The following SDAD1 variants were observed in gnomAD, a reference collection of about 807,000 sequenced individuals.
The protein encoded by SDAD1 is protein SDA1 homolog.
A neutral mutation model predicts 100.3 loss-of-function variants in SDAD1; 79 were observed. The observed-to-expected ratio is 0.79, with a 90% CI of 0.66 to 0.95. The LOEUF (loss-of-function observed/expected upper bound fraction) is 0.95, where lower values mean the gene tolerates loss of function less well. Ranked by LOEUF, SDAD1 falls within the 40% of genes least tolerant of loss-of-function variation. SDAD1 has a pLI of 0.00. For missense variants in SDAD1, 790 were observed against 810.9 expected (o/e 0.97, Z 0.31); for synonymous variants, 267 against 271.4 (o/e 0.98, Z 0.16).
chr4:75,990,643 A>C, intron 1 of SDAD1, 109 bp downstream of exon 1: 1 of 1,600,642 alleles, frequency 6.2e-7, no homozygotes, highest in Non-Finnish European at 8.5e-7. Flanking sequence ...TGAACCTAAC[A>C]GAAGAATAGG....
rs36025367 is a variant in SDAD1 at position 75,974,402 on chromosome 4, C to CA, written c.579-270dup. The stretch of plus-strand genomic sequence containing the variant: ...AATGACGTAGGAAGCTAGTCAAGTG[C>CA]AAAAAAAAAAAAAAAAAACAACAAC... On this transcript the variant is annotated intron_variant, in intron 6 of 21. Coordinates refer to ENST00000356260, the MANE Select transcript of SDAD1 (RefSeq NM_018115.4). Among the ~76,000 whole-genome samples the CA allele has an allele frequency of 7.3e-3, 809 of 110,754 alleles. 8 individuals are homozygous for CA. The highest frequency in any genetic ancestry group is 0.042 in the South Asian group (139 of 3,304). The allele number at this position is 110,754 out of a possible 152,430, so 72.7% of individuals were successfully genotyped here. A position where few individuals can be genotyped will look rare whatever the true frequency, so the allele number is the denominator to read the frequency against.
At position 75,958,023 on chromosome 4, in the gene SDAD1, A is replaced by G. The variant is rs2149309633; in HGVS notation, c.1484-82T>C. On this transcript the variant is annotated intron_variant, in intron 17 of 21. Transcript: ENST00000356260. ...GTTGAGATGAAGCAAGCAACAGAAA[A>G]GTAATGAACCTTGAACAGATACATT... The G allele has an allele frequency of 5.4e-6, 6 of 1,101,616 alleles. No individual in the cohort carries two copies. In the Admixed American group the frequency reaches 1.0e-4, roughly 19 times the overall value. 68.2% of individuals were successfully genotyped at this position (1,101,616 alleles called of 1,614,324 possible).
chr4:75,977,872 T>G (rs1169531452), intron 3 of SDAD1, 116 bp from the exon 4 acceptor site: 1 of 637,588 alleles, frequency 1.6e-6, no homozygotes, highest in Non-Finnish European at 2.7e-6. Flanking sequence ...TATTGTAGGA[T>G]TCAGAATAGT....
intron 17 of SDAD1, among the ~76,000 whole-genome samples, chr4:75,958,417 T>G (rs988050926): frequency 6.6e-6 from 1 of 152,202 alleles, no homozygotes; most frequent in African/African-American, 2.4e-5. Context: ...AGTTAGTCAT[T>G]CAGACAACTG....
At chr4:75,981,684 C>G in intron 2 of SDAD1, 2 of 850,172 alleles carry the variant, frequency 2.4e-6, no homozygotes, top group South Asian at 3.4e-5. Flanking sequence ...TGATTTAGTA[C>G]CTGCTTTTAT....
In SDAD1 at chr4:75,978,688, G is replaced by A. The variant is rs1346867796; in HGVS notation, c.295-932C>T. Among the ~76,000 whole-genome samples the A allele has an allele frequency of 2.6e-5, 4 of 152,144 alleles. No homozygotes were observed. The East Asian group carries it at 7.7e-4, about 29-fold the overall frequency. On this transcript the variant is annotated intron_variant, in intron 3 of 21. Coordinates refer to ENST00000356260, the MANE Select transcript of SDAD1 (RefSeq NM_018115.4). ...AATTCAAGGATGCTTTCAAAAACAA[G>A]GGCAAGGCTGGGCATGGTGGCCCAC...
intron 11 of SDAD1, among the ~76,000 whole-genome samples, chr4:75,967,574 G>A (rs191993706): frequency 7.2e-4 from 109 of 152,206 alleles, no homozygotes; most frequent in Non-Finnish European, 1.2e-3. Flanking sequence ...TATGCAGAAT[G>A]AACTAGAGGA....
At chr4:75,960,645 T>C (rs903772308) in intron 16 of SDAD1, among the ~76,000 whole-genome samples, 1 of 152,180 alleles carries the variant, frequency 6.6e-6, no homozygotes, top group Non-Finnish European at 1.5e-5. Context: ...AAAAACGTCA[T>C]CTCTCTTTCT....
At chr4:75,955,739 A>G (rs1330872322) in intron 21 of SDAD1, among the ~76,000 whole-genome samples, 1 of 152,212 alleles carries the variant, frequency 6.6e-6, no homozygotes, top group African/African-American at 2.4e-5. Context: ...CTGGTCCCAC[A>G]GCTGAGTCTC....
At chr4:75,959,220 T>C (rs1399797427) in intron 17 of SDAD1, among the ~76,000 whole-genome samples, 1 of 151,538 alleles carries the variant, frequency 6.6e-6, no homozygotes, top group East Asian at 1.9e-4. Context: ...CACTTCATTC[T>C]TCAGCCCTTT....
chr4:75,956,358 G>T (rs916200789), intron 20 of SDAD1, among the ~76,000 whole-genome samples: 3 of 151,778 alleles, frequency 2.0e-5, no homozygotes, highest in African/African-American at 7.3e-5. Context: ...AGCCTGGTGA[G>T]GTCAGGGGAA....
chr4:75,964,145 T>C lies in SDAD1; in HGVS notation c.1171A>G (p.Met391Val). The C allele has an allele frequency of 6.2e-7, 1 of 1,608,684 alleles. No individual in the cohort carries two copies. The highest frequency in any genetic ancestry group is 8.5e-7 in the Non-Finnish European group (1 of 1,176,470). The change falls in exon 14 of 22, where the codon ATG becomes GTG. Residue 391 changes from methionine to valine, a missense_variant. Coordinates refer to ENST00000356260, the MANE Select transcript of SDAD1 (RefSeq NM_018115.4). ...CCAGATTCTACATACCCTACTGTCA[T>C]GACTTCTCCAGAGTTCTTGTCGGTA... ...FVTDKNSGEVMTVGINAIKEI... is the reference protein window; with the variant it reads ...FVTDKNSGEVVTVGINAIKEI...
At chr4:75,984,644 G>T (rs1730759041) in intron 1 of SDAD1, among the ~76,000 whole-genome samples, 1 of 152,018 alleles carries the variant, frequency 6.6e-6, no homozygotes, top group Admixed American at 6.6e-5. Context: ...ATGTTTAGTT[G>T]TAACAGCCAC....
intron 10 of SDAD1, among the ~76,000 whole-genome samples, chr4:75,969,681 C>T (rs1481937086): frequency 6.6e-6 from 1 of 152,144 alleles, no homozygotes; most frequent in Non-Finnish European, 1.5e-5. Flanking sequence ...GCTGCTGGTC[C>T]ACCGGGGAGG....
chr4:75,988,433 T>A (rs964604119), intron 1 of SDAD1, among the ~76,000 whole-genome samples: 3 of 152,192 alleles, frequency 2.0e-5, no homozygotes, highest in African/African-American at 7.2e-5. Flanking sequence ...CTCTCCCTCA[T>A]GTCCTTCAGG....
At chr4:75,976,060 G>T in intron 4 of SDAD1, 65 bp from the exon 5 acceptor site, 1 of 1,026,568 alleles carries the variant, frequency 9.7e-7, no homozygotes, top group Non-Finnish European at 1.5e-6. Flanking sequence ...TGCTAAATTT[G>T]GAGAACAGTA....
chr4:75,951,051 A>G (rs1365395296), intron 21 of SDAD1, among the ~76,000 whole-genome samples: 1 of 152,192 alleles, frequency 6.6e-6, no homozygotes, highest in Non-Finnish European at 1.5e-5. Context: ...GCAGCTATGG[A>G]ATGCAGAGAC....
chr4:75,979,433 C>T (rs186659850), intron 3 of SDAD1, among the ~76,000 whole-genome samples: 9 of 152,020 alleles, frequency 5.9e-5, no homozygotes, highest in East Asian at 1.9e-4. Context: ...ACTATACAGA[C>T]GCAATCCTTT....
At chr4:75,982,786 C>A (rs1179607835) in intron 1 of SDAD1, among the ~76,000 whole-genome samples, 1 of 151,864 alleles carries the variant, frequency 6.6e-6, no homozygotes, top group Non-Finnish European at 1.5e-5. Context: ...TCCCACCCCC[C>A]CACTGCCACC....
Sources: gnomAD v4.1 joint callset for allele counts (sites outside exome capture counted in the v4.1 genomes callset) on GRCh38, gnomAD v4.1.1 for gene constraint, MANE v1.5 for transcripts, NCBI Gene and HGNC (gene_info 2026-07-23, HGNC 2026-07-21) for gene names.